Variants in CMSS1 observed in about 807,000 individuals in gnomAD.
CMSS1 encodes the protein cms1 ribosomal small subunit homolog.
In CMSS1, 33 loss-of-function variants were observed where a neutral mutation model predicts 43.5. That is an observed-to-expected ratio of 0.76 (90% CI 0.57 to 1.01). CMSS1 has a LOEUF of 1.01. Among genes scored for constraint, CMSS1 ranks in the 50% least tolerant of loss-of-function variants. The pLI is 0.00. For missense variants in CMSS1, 313 were observed against 326.4 expected (o/e 0.96, Z 0.32); for synonymous variants, 115 against 117.2 (o/e 0.98, Z 0.12).
intron 1 of CMSS1, among the ~76,000 whole-genome samples, chr3:100,128,038 C>T (rs1225478915): frequency 6.6e-6 from 1 of 152,212 alleles, no homozygotes; most frequent in African/African-American, 2.4e-5. Flanking sequence ...GCCTATATGA[C>T]AGCCAAGGAA....
At chr3:100,085,963 G>A (rs1348445033) in intron 1 of CMSS1, among the ~76,000 whole-genome samples, 2 of 152,156 alleles carry the variant, frequency 1.3e-5, no homozygotes, top group African/African-American at 4.8e-5. Flanking sequence ...AATATAGAGG[G>A]TCATGAGTTT....
Position 99,849,518 on chromosome 3 carries a change from C to T in CMSS1, c.64+31475C>T. The T allele has an allele frequency of 3.1e-6, 5 of 1,613,332 alleles. No homozygotes were observed. Among genetic ancestry groups the T allele is most frequent in the Non-Finnish European group, 3.4e-6 (4 of 1,179,862 alleles). On this transcript the variant is annotated intron_variant, in intron 1 of 9. Transcript: ENST00000421999. ...TCATGAATTTTCTCTTTTAATGCATCCACTTCTCTTGAGAGGTGCCCTGAC... is the reference window on the plus strand; with the variant it reads ...TCATGAATTTTCTCTTTTAATGCATTCACTTCTCTTGAGAGGTGCCCTGAC...
At chr3:100,060,100 G>C (rs1004442828) in intron 1 of CMSS1, among the ~76,000 whole-genome samples, 1 of 152,148 alleles carries the variant, frequency 6.6e-6, no homozygotes, top group African/African-American at 2.4e-5. Context: ...GCTGTGCCGG[G>C]TATGGTAAAG....
At chr3:99,854,755 AGTCT>A (rs1402767043) in intron 1 of CMSS1, among the ~76,000 whole-genome samples, 1 of 152,192 alleles carries the variant, frequency 6.6e-6, no homozygotes, top group Non-Finnish European at 1.5e-5. Flanking sequence ...TGTGTATGTC[AGTCT>A]GTCAGTAGAA....
chr3:100,028,924 C>G (rs1304019413), intron 1 of CMSS1, among the ~76,000 whole-genome samples: 1 of 152,138 alleles, frequency 6.6e-6, no homozygotes, highest in Non-Finnish European at 1.5e-5. Flanking sequence ...CACATATAAA[C>G]ATAAACATAT....
intron 8 of CMSS1, among the ~76,000 whole-genome samples, chr3:100,172,668 A>G (rs941443962): frequency 2.6e-5 from 4 of 152,174 alleles, no homozygotes; most frequent in Admixed American, 6.6e-5. Flanking sequence ...GGTTCCACAT[A>G]GCCTTCATTC....
chr3:99,991,740 G>A (rs969310410), intron 1 of CMSS1, among the ~76,000 whole-genome samples: 1 of 151,678 alleles, frequency 6.6e-6, no homozygotes, highest in Non-Finnish European at 1.5e-5. Context: ...TGAGGATAAT[G>A]GCCTCCAGTT....
chr3:100,132,692 G>A (rs1286599894), intron 1 of CMSS1, among the ~76,000 whole-genome samples: 1 of 151,054 alleles, frequency 6.6e-6, no homozygotes, highest in Non-Finnish European at 1.5e-5. Context: ...GGTGGCGGGC[G>A]CCTATAGTCC....
chr3:100,014,874 C>CTTTTTTTTTTTTTTT (rs200759774), intron 1 of CMSS1, among the ~76,000 whole-genome samples: 13 of 28,196 alleles, frequency 4.6e-4, no homozygotes, highest in African/African-American at 8.9e-4. Context: ...TTTTTCTTTT[C>CTTTTTTTTTTTTTTT]TTTTTTTTTT....
chr3:100,173,248 CAACT>C (rs950445815), intron 8 of CMSS1, among the ~76,000 whole-genome samples: 32 of 152,150 alleles, frequency 2.1e-4, no homozygotes, highest in Admixed American at 1.0e-3. Context: ...CAAATACCAA[CAACT>C]AACAAATTTG....
chr3:99,888,674 TA>T (rs1317903838), intron 1 of CMSS1, among the ~76,000 whole-genome samples: 1 of 152,222 alleles, frequency 6.6e-6, no homozygotes, highest in African/African-American at 2.4e-5. Context: ...GAAGGTAAAG[TA>T]GAGAAAAGAA....
At chr3:100,092,987 A>G (rs1488755152) in intron 1 of CMSS1, among the ~76,000 whole-genome samples, 2 of 152,042 alleles carry the variant, frequency 1.3e-5, no homozygotes, top group Non-Finnish European at 2.9e-5. Context: ...GCCTGATGCT[A>G]AAGGTTCCAT....
intron 1 of CMSS1, among the ~76,000 whole-genome samples, chr3:100,049,197 C>G (rs912030239): frequency 6.6e-6 from 1 of 152,186 alleles, no homozygotes; most frequent in Non-Finnish European, 1.5e-5. Flanking sequence ...CATATCTTCT[C>G]TACATTATAG....
At chr3:99,951,513 G>A (rs1244737866) in intron 1 of CMSS1, among the ~76,000 whole-genome samples, 3 of 152,096 alleles carry the variant, frequency 2.0e-5, no homozygotes, top group African/African-American at 4.8e-5. Flanking sequence ...GGTAAAAATC[G>A]CTTGGACTTG....
rs192224977 is a variant in CMSS1, at chr3:99,821,171, T to G, written c.64+3128T>G. 2.0e-4 allele frequency among the ~76,000 whole-genome samples: 30 copies of G among 152,340 alleles called. No individual in the cohort carries two copies. In the East Asian group the frequency reaches 5.2e-3, roughly 26 times the overall value. On this transcript the variant is annotated intron_variant, in intron 1 of 9. Transcript: ENST00000421999. ...TTCATGGCTCTTTAAAACCTGTCAT[T>G]TTTGTGCTAGAGTTCTACATTGCAC... is the stretch of plus-strand genomic sequence containing the variant.
At chr3:99,960,771 T>A (rs1559704486) in intron 1 of CMSS1, among the ~76,000 whole-genome samples, 1 of 152,242 alleles carries the variant, frequency 6.6e-6, no homozygotes, top group Non-Finnish European at 1.5e-5. Flanking sequence ...ATTGATTTTA[T>A]GTTTACTTAC....
intron 1 of CMSS1, among the ~76,000 whole-genome samples, chr3:100,043,207 C>G (rs563750135): frequency 6.6e-6 from 1 of 152,310 alleles, no homozygotes; most frequent in South Asian, 2.1e-4. Flanking sequence ...GTATTTCATT[C>G]TTTACTGTGT....
chr3:100,153,542 C>T (rs2066941612), intron 2 of CMSS1, among the ~76,000 whole-genome samples: 1 of 152,184 alleles, frequency 6.6e-6, no homozygotes, highest in Non-Finnish European at 1.5e-5. Context: ...TGCAGATGGC[C>T]TTCTCACTAT....
intron 1 of CMSS1, among the ~76,000 whole-genome samples, chr3:100,060,050 G>C (rs2065533570): frequency 6.6e-6 from 1 of 151,772 alleles, no homozygotes; most frequent in East Asian, 1.9e-4. Flanking sequence ...TGGGGAAATG[G>C]GGGCGGGGGG....
Sources: gnomAD v4.1 joint callset for allele counts (sites outside exome capture counted in the v4.1 genomes callset) on GRCh38, gnomAD v4.1.1 for gene constraint, MANE v1.5 for transcripts, NCBI Gene and HGNC (gene_info 2026-07-23, HGNC 2026-07-21) for gene names.